Variants in PRR16 observed in about 807,000 individuals in gnomAD.
PRR16 encodes proline rich 16, also known as protein Largen.
Under a neutral mutation model 18.2 loss-of-function variants are expected in PRR16, and 6 were observed. The ratio of observed to expected loss-of-function variants is 0.33; its 90% CI spans 0.18 to 0.65. The LOEUF (loss-of-function observed/expected upper bound fraction) is 0.65, where lower values mean the gene tolerates loss of function less well. PRR16 is among the 30% of genes least tolerant of loss of function. The pLI is 0.74. For synonymous variants in PRR16, 151 were observed against 147.8 expected, an observed-to-expected ratio of 1.02 and a Z score of -0.16; for missense variants, 412 against 376.6, an observed-to-expected ratio of 1.09 and a Z score of -0.78.
chr5:120,641,589 C>T (rs570026029), intron 1 of PRR16, among the ~76,000 whole-genome samples: 17 of 152,190 alleles, frequency 1.1e-4, no homozygotes, highest in Non-Finnish European at 2.4e-4. Context: ...AGGATTCTTG[C>T]AAAAGAATGC....
chr5:120,567,513 G>A (rs1161722291), intron 1 of PRR16, among the ~76,000 whole-genome samples: 1 of 152,158 alleles, frequency 6.6e-6, no homozygotes, highest in East Asian at 1.9e-4. Context: ...GCAGCACATT[G>A]ATATGGTTTG....
chr5:120,561,457 A>G (rs1219038888), intron 1 of PRR16, among the ~76,000 whole-genome samples: 4 of 151,844 alleles, frequency 2.6e-5, no homozygotes, highest in African/African-American at 4.8e-5. Context: ...TTCCAGTCTC[A>G]TTTCATTGTG....
intron 1 of PRR16, among the ~76,000 whole-genome samples, chr5:120,628,064 A>C (rs1249500575): frequency 6.6e-6 from 1 of 151,940 alleles, no homozygotes; most frequent in East Asian, 1.9e-4. Context: ...TCACTTTTTC[A>C]ATTGCTGTGG....
chr5:120,643,712 A>C (rs1019724981), intron 1 of PRR16, among the ~76,000 whole-genome samples: 1 of 152,080 alleles, frequency 6.6e-6, no homozygotes, highest in Non-Finnish European at 1.5e-5. Flanking sequence ...CCTTAAAGCT[A>C]ATGCTCTTTA....
the PRR16 span, among the ~76,000 whole-genome samples, chr5:120,704,553 A>T: frequency 3.3e-5 from 5 of 152,170 alleles, no homozygotes; most frequent in Non-Finnish European, 7.4e-5. Context: ...ACTCAAGAGT[A>T]TTTTAAAACT....
intron 1 of PRR16, chr5:120,618,470 T>C: frequency 1.0e-6 from 1 of 969,940 alleles, no homozygotes. Flanking sequence ...ATGAATCAAG[T>C]CTTCATTTTA....
the PRR16 span, among the ~76,000 whole-genome samples, chr5:120,786,383 T>C: frequency 4.6e-5 from 7 of 151,760 alleles, no homozygotes; most frequent in Admixed American, 3.3e-4. Context: ...CTGTATCTGG[T>C]TTGGGAGGGC....
chr5:120,652,514 A>G (rs1755827091), intron 1 of PRR16, among the ~76,000 whole-genome samples: 1 of 152,108 alleles, frequency 6.6e-6, no homozygotes, highest in African/African-American at 2.4e-5. Context: ...AGTAAGTATT[A>G]TTGATGTGAT....
chr5:120,503,601 A>T (rs989368613), intron 1 of PRR16, among the ~76,000 whole-genome samples: 2 of 152,120 alleles, frequency 1.3e-5, no homozygotes, highest in Admixed American at 1.3e-4. Flanking sequence ...TTCTTTAGGG[A>T]AAACCTGTTT....
chr5:120,595,378 C>T (rs1169877360), intron 1 of PRR16, among the ~76,000 whole-genome samples: 2 of 151,156 alleles, frequency 1.3e-5, no homozygotes, highest in Non-Finnish European at 3.0e-5. Flanking sequence ...AAAAGCAAAT[C>T]AAATCCACAA....
At chr5:120,603,883 G>A (rs1754065254) in intron 1 of PRR16, among the ~76,000 whole-genome samples, 1 of 151,828 alleles carries the variant, frequency 6.6e-6, no homozygotes, top group Non-Finnish European at 1.5e-5. Flanking sequence ...TATTGTTATT[G>A]ATTTCTGTTT....
At position 120,577,595 on chromosome 5, in the gene PRR16, A is replaced by G. The variant is rs77734699; in HGVS notation, c.160-108359A>G. On this transcript the variant is annotated intron_variant, in intron 1 of 1. Transcript: ENST00000407149. The stretch of plus-strand genomic sequence containing the variant: ...TTGGCAAATCTTTTTGCACAAGTCA[A>G]TGCCACAGGAAAGAACACAAATGTT... Among the ~76,000 whole-genome samples the G allele has an allele frequency of 9.2e-5, 14 of 152,274 alleles. No individual in the cohort carries two copies. In the East Asian group the frequency reaches 2.5e-3, roughly 27 times the overall value.
downstream of PRR16, among the ~76,000 whole-genome samples, chr5:120,689,456 T>A (rs943346891): frequency 6.6e-5 from 10 of 152,176 alleles, no homozygotes; most frequent in African/African-American, 2.4e-4. Flanking sequence ...CATCATCCAT[T>A]AAATCATCAT....
At chr5:120,718,475 C>T in the PRR16 span, among the ~76,000 whole-genome samples, 1 of 152,192 alleles carries the variant, frequency 6.6e-6, no homozygotes, top group East Asian at 1.9e-4. Context: ...CTCATGCAGA[C>T]TCCAAAGTCT....
chr5:120,722,248 T>C, the PRR16 span, among the ~76,000 whole-genome samples: 2 of 151,994 alleles, frequency 1.3e-5, no homozygotes, highest in African/African-American at 2.4e-5. Flanking sequence ...AGTATTCTTA[T>C]AGAGCCAAGA....
chr5:120,704,686 C>A, the PRR16 span, among the ~76,000 whole-genome samples: 1 of 152,144 alleles, frequency 6.6e-6, no homozygotes, highest in African/African-American at 2.4e-5. Context: ...AAATCAGAAT[C>A]TCTTTACAGT....
the PRR16 span, among the ~76,000 whole-genome samples, chr5:120,704,735 T>C: frequency 6.6e-6 from 1 of 152,152 alleles, no homozygotes; most frequent in African/African-American, 2.4e-5. Flanking sequence ...AACCAGGTGA[T>C]TCTAGTATAT....
the PRR16 span, among the ~76,000 whole-genome samples, chr5:120,751,032 T>C: frequency 6.6e-6 from 1 of 152,158 alleles, no homozygotes; most frequent in African/African-American, 2.4e-5. Flanking sequence ...AAGGAGATCA[T>C]GTGATATTTG....
At chr5:120,576,819 C>T (rs2112746362) in intron 1 of PRR16, among the ~76,000 whole-genome samples, 1 of 152,184 alleles carries the variant, frequency 6.6e-6, no homozygotes, top group East Asian at 1.9e-4. Context: ...CTACCATTGG[C>T]TCTCCTGGGT....
Sources: gnomAD v4.1 joint callset for allele counts (sites outside exome capture counted in the v4.1 genomes callset) on GRCh38, gnomAD v4.1.1 for gene constraint, MANE v1.5 for transcripts, NCBI Gene and HGNC (gene_info 2026-07-23, HGNC 2026-07-21) for gene names.